Variants in RNF144B observed in about 807,000 individuals in gnomAD.
RNF144B encodes E3 ubiquitin-protein ligase RNF144B.
In RNF144B, 25 loss-of-function variants were observed where a neutral mutation model predicts 40.2. The observed-to-expected ratio is 0.62, with a 90% confidence interval of 0.45 to 0.87. RNF144B has a LOEUF of 0.87. RNF144B is among the 40% of genes least tolerant of loss of function. The probability of loss-of-function intolerance (pLI) is 0.00; values close to 1 mark genes in which losing one functional copy is unlikely to be tolerated. For synonymous variants in RNF144B, 145 were observed against 136.3 expected, an observed-to-expected ratio of 1.06 and a Z score of -0.44; for missense variants, 365 against 373.7, an observed-to-expected ratio of 0.98 and a Z score of 0.19.
chr6:18,394,271 G>A (rs1190845592), intron 1 of RNF144B, among the ~76,000 whole-genome samples: 1 of 152,066 alleles, frequency 6.6e-6, no homozygotes, highest in Non-Finnish European at 1.5e-5. Flanking sequence ...TGTTGATTTT[G>A]GATAATCAAA....
intron 1 of RNF144B, chr6:18,396,451 G>T: frequency 1.0e-6 from 1 of 983,062 alleles, no homozygotes; most frequent in Non-Finnish European, 1.2e-6. Context: ...GAAATACTTG[G>T]ATTTCTCGAA....
At position 18,463,400 on chromosome 6, in the gene RNF144B, A is replaced by G; in HGVS notation, c.771+20A>G. The G allele has an allele frequency of 6.6e-7, 1 of 1,509,180 alleles. No individual in the cohort carries two copies. Among genetic ancestry groups the G allele is most frequent in the Non-Finnish European group, 9.2e-7 (1 of 1,084,296 alleles). 93.5% of individuals were successfully genotyped at this position (1,509,180 alleles called of 1,614,324 possible). A position where few individuals can be genotyped will look rare whatever the true frequency, so the allele number is the denominator to read the frequency against. On this transcript the variant is annotated intron_variant, in intron 7 of 7. Transcript: ENST00000259939. ...ACACAGGTACCCTGACCTTATAGGG[A>G]GCGTGACATAAACCAAAATCGTGAT...
chr6:18,453,202 G>C (rs1045779227), intron 4 of RNF144B, among the ~76,000 whole-genome samples: 1 of 138,318 alleles, frequency 7.2e-6, no homozygotes. Flanking sequence ...ACAGTGGCAC[G>C]ATCTTGGTTC....
At chr6:18,403,462 A>G (rs1363681550) in intron 2 of RNF144B, among the ~76,000 whole-genome samples, 1 of 152,250 alleles carries the variant, frequency 6.6e-6, no homozygotes. Flanking sequence ...AAAAGAAAAT[A>G]AAGTCCAGCC....
Position 18,466,436 on chromosome 6 carries a change from G to C in RNF144B, c.*1369G>C, listed in dbSNP as rs551558369. The C allele has an allele frequency of 6.6e-6, 1 of 152,122 alleles. No individual in the cohort carries two copies. Among genetic ancestry groups the C allele is most frequent in the Non-Finnish European group, 1.5e-5 (1 of 68,020 alleles). 9.4% of individuals were successfully genotyped at this position (152,122 alleles called of 1,614,324 possible). ...AACATGTAAGAAATAAAATAGAAATGCTTTATATAATTTAGTTTAAATTTA... is the reference window on the plus strand; with the variant it reads ...AACATGTAAGAAATAAAATAGAAATCCTTTATATAATTTAGTTTAAATTTA... On this transcript the variant is annotated 3_prime_UTR_variant, in exon 8 of 8. Coordinates refer to ENST00000259939, the MANE Select transcript of RNF144B (RefSeq NM_182757.4).
rs79295584 is a variant in RNF144B at position 18,418,717 on chromosome 6, A to G, written c.166-8864A>G. On this transcript the variant is annotated intron_variant, in intron 2 of 7. Transcript: ENST00000259939. The surrounding 1 kb of genome is among the most constrained non-coding windows in gnomAD (Gnocchi z 5.2). ...TGTACACTTTAGATGGGTGCATTGTATGGGTACGTGAATTATATCTCAGTT... is the reference window on the plus strand; with the variant it reads ...TGTACACTTTAGATGGGTGCATTGTGTGGGTACGTGAATTATATCTCAGTT... Among the ~76,000 whole-genome samples, 4,800 of 152,204 alleles carry G rather than the reference A, an allele frequency of 0.032. 147 individuals are homozygous for G. Among genetic ancestry groups the G allele is most frequent in the African/African-American group, 0.075 (3,100 of 41,508 alleles).
At position 18,441,990 on chromosome 6, in the gene RNF144B, G is replaced by A. The variant is rs377180743; in HGVS notation, c.331+2246G>A. Among the ~76,000 whole-genome samples the A allele has an allele frequency of 6.6e-6, 1 of 152,094 alleles. No homozygotes were observed. The highest frequency in any genetic ancestry group is 6.5e-5 in the Admixed American group (1 of 15,268). ...TTTTTCCCAAAGAGGTAATCATACC[G>A]TTCTTCAGGAAATATCATCATACTG... is the stretch of plus-strand genomic sequence containing the variant. On this transcript the variant is annotated intron_variant, in intron 4 of 7. Transcript: ENST00000259939. This position sits in a 1 kb window ranked among gnomAD's most constrained non-coding sequence, Gnocchi z 4.9.
Position 18,405,141 on chromosome 6 carries a change from GT to G in RNF144B, c.165+5449del, listed in dbSNP as rs914024308. On this transcript the variant is annotated intron_variant, in intron 2 of 7. Coordinates refer to ENST00000259939, the MANE Select transcript of RNF144B (RefSeq NM_182757.4). This position sits in a 1 kb window ranked among gnomAD's most constrained non-coding sequence, Gnocchi z 4.5. ...CTAAATATGCTTGCTTGCAAGGTTA[GT>G]TTTTTTCTTTATTATTATTATTATT... Among the ~76,000 whole-genome samples the G allele has an allele frequency of 1.7e-5, 2 of 118,506 alleles. No homozygotes were observed. Among genetic ancestry groups the G allele is most frequent in the African/African-American group, 3.4e-5 (1 of 29,696 alleles). The allele number at this position is 118,506 out of a possible 152,430, so 77.7% of individuals were successfully genotyped here.
rs1758996666 is a variant in RNF144B at position 18,442,944 on chromosome 6, A to G, written c.331+3200A>G. Among the ~76,000 whole-genome samples the G allele has an allele frequency of 2.6e-5, 4 of 152,166 alleles. No individual in the cohort carries two copies. Among genetic ancestry groups the G allele is most frequent in the Admixed American group, 2.0e-4 (3 of 15,282 alleles). On this transcript the variant is annotated intron_variant, in intron 4 of 7. Transcript: ENST00000259939. This position sits in a 1 kb window ranked among gnomAD's most constrained non-coding sequence, Gnocchi z 4.3. ...TTTGTTTATTCATCTGTTGATGGAC[A>G]TTTCAGTTGTTTCCACCTTTTGGCT...
chr6:18,395,867 G>C lies in RNF144B; in HGVS notation c.-36-3632G>C, dbSNP rs1394799623. 6.6e-6 allele frequency among the ~76,000 whole-genome samples: 1 copy of C among 152,140 alleles called. No homozygotes were observed. The highest frequency in any genetic ancestry group is 1.5e-5 in the Non-Finnish European group (1 of 68,016). On this transcript the variant is annotated intron_variant, in intron 1 of 7. Coordinates refer to ENST00000259939, the MANE Select transcript of RNF144B (RefSeq NM_182757.4). The surrounding 1 kb of genome is among the most constrained non-coding windows in gnomAD (Gnocchi z 4.5). ...AAAGCTCATTGCTTGAAAAATGTCTGAGAGCCATTGCTTTAGGGAATTGGT... is the reference window on the plus strand; with the variant it reads ...AAAGCTCATTGCTTGAAAAATGTCTCAGAGCCATTGCTTTAGGGAATTGGT...
At chr6:18,413,982 C>A (rs1795097300) in intron 2 of RNF144B, among the ~76,000 whole-genome samples, 1 of 152,036 alleles carries the variant, frequency 6.6e-6, no homozygotes, top group Non-Finnish European at 1.5e-5. Context: ...AAAGCCCACT[C>A]AATATGAAGC....
At chr6:18,396,803 G>A (rs1346617919) in intron 1 of RNF144B, 1 of 985,254 alleles carries the variant, frequency 1.0e-6, no homozygotes, top group African/African-American at 1.7e-5. Context: ...GTTTAAGCAT[G>A]AACTGGGAGG....
intron 3 of RNF144B, among the ~76,000 whole-genome samples, chr6:18,435,322 C>T (rs1562052054): frequency 6.6e-6 from 1 of 152,098 alleles, no homozygotes; most frequent in Non-Finnish European, 1.5e-5. Context: ...GCTTTTACTG[C>T]TCGAATATGG....
In RNF144B at chr6:18,416,397, G is replaced by C. The variant is rs1327064196; in HGVS notation, c.166-11184G>C. 6.6e-6 allele frequency among the ~76,000 whole-genome samples: 1 copy of C among 152,194 alleles called. No individual in the cohort carries two copies. On this transcript the variant is annotated intron_variant, in intron 2 of 7. Coordinates refer to ENST00000259939, the MANE Select transcript of RNF144B (RefSeq NM_182757.4). This position sits in a 1 kb window ranked among gnomAD's most constrained non-coding sequence, Gnocchi z 5.5. ...CAAATTTGTTTGGCTTTCTTGTGAAGCCTGGACCAGGCTGCAGCATTTCCA... is the reference window on the plus strand; with the variant it reads ...CAAATTTGTTTGGCTTTCTTGTGAACCCTGGACCAGGCTGCAGCATTTCCA...
chr6:18,426,571 T>C (rs1582421767), intron 2 of RNF144B, among the ~76,000 whole-genome samples: 1 of 152,342 alleles, frequency 6.6e-6, no homozygotes. Context: ...CAACAGGCAG[T>C]GAGCAGACCA....
chr6:18,463,828 AC>A (rs902202151), intron 7 of RNF144B, among the ~76,000 whole-genome samples: 1 of 152,224 alleles, frequency 6.6e-6, no homozygotes, highest in Non-Finnish European at 1.5e-5. Flanking sequence ...GGGAGGCCTC[AC>A]AATCATGGCA....
Position 18,466,854 on chromosome 6 carries a change from A to G in RNF144B, c.*1787A>G, listed in dbSNP as rs1243933955. The G allele has an allele frequency of 6.6e-6, 1 of 152,666 alleles. No homozygotes were observed. 9.5% of individuals were successfully genotyped at this position (152,666 alleles called of 1,614,324 possible). On this transcript the variant is annotated 3_prime_UTR_variant, in exon 8 of 8. Coordinates refer to ENST00000259939, the MANE Select transcript of RNF144B (RefSeq NM_182757.4). ...TGTGTGTATAGTACATCTGTTGGTT[A>G]TGTACATTTTAATTTACATGTTGTG...
chr6:18,437,498 G>C (rs2113512361), intron 3 of RNF144B, among the ~76,000 whole-genome samples: 1 of 152,218 alleles, frequency 6.6e-6, no homozygotes, highest in Non-Finnish European at 1.5e-5. Context: ...GGAAGAGAAT[G>C]GTGCATTCTA....
rs888893585 is a variant in RNF144B, at chr6:18,448,817, C to T, written c.332-8338C>T. On this transcript the variant is annotated intron_variant, in intron 4 of 7. Coordinates refer to ENST00000259939, the MANE Select transcript of RNF144B (RefSeq NM_182757.4). This position sits in a 1 kb window ranked among gnomAD's most constrained non-coding sequence, Gnocchi z 4.0. ...GTTTCATTTTTATGCTGGTCACAAC[C>T]TATTAAACTGATACCTCAATCCCCA... is the stretch of plus-strand genomic sequence containing the variant. Among the ~76,000 whole-genome samples the T allele has an allele frequency of 3.3e-5, 5 of 151,986 alleles. No individual in the cohort carries two copies. Among genetic ancestry groups the T allele is most frequent in the African/African-American group, 7.2e-5 (3 of 41,384 alleles).
Sources: gnomAD v4.1 joint callset for allele counts (sites outside exome capture counted in the v4.1 genomes callset) on GRCh38, gnomAD v4.1.1 for gene constraint, Gnocchi (gnomAD v3.1) non-coding constraint, MANE v1.5 for transcripts, NCBI Gene and HGNC (gene_info 2026-07-23, HGNC 2026-07-21) for gene names.